Variants in PDZD2 observed in about 807,000 individuals in gnomAD.
PDZD2 encodes the protein PDZ domain containing 2, also known as PDZ domain-containing protein 2.
A neutral mutation model predicts 220.7 loss-of-function variants in PDZD2; 90 were observed. The ratio of observed to expected loss-of-function variants is 0.41; its 90% confidence interval spans 0.34 to 0.49. The LOEUF is 0.49. PDZD2 is among the 20% of genes least tolerant of loss of function. PDZD2 has a pLI of 0.28. For synonymous variants in PDZD2, 1,375 were observed against 1,450.5 expected (o/e 0.95, Z 1.18); for missense variants, 3,174 against 3,608.5 (o/e 0.88, Z 3.08).
intron 2 of PDZD2, among the ~76,000 whole-genome samples, chr5:31,871,884 G>C (rs1738831821): frequency 1.3e-5 from 2 of 152,010 alleles, no homozygotes; most frequent in Non-Finnish European, 2.9e-5. Context: ...GGAGTGCAGT[G>C]GTGCGAACAC....
At chr5:32,058,200 C>A in intron 12 of PDZD2, 97 bp downstream of exon 12, 5 of 704,500 alleles carry the variant, frequency 7.1e-6, no homozygotes, top group South Asian at 1.7e-5. Flanking sequence ...ATGAATTATT[C>A]CTTTGGTACA....
At chr5:31,878,474 A>G (rs1171496210) in intron 2 of PDZD2, among the ~76,000 whole-genome samples, 2 of 150,514 alleles carry the variant, frequency 1.3e-5, no homozygotes, top group Non-Finnish European at 3.0e-5. Context: ...CCTCTTGCTT[A>G]GAGGGACCAC....
chr5:31,674,798 T>C (rs446069), intron 1 of PDZD2, among the ~76,000 whole-genome samples: 15,854 of 152,068 alleles, frequency 0.1, 872 homozygotes, highest in East Asian at 0.17. Context: ...CTGTGAGCTC[T>C]ATTTTCCATT....
At chr5:31,645,484 G>C (rs973849789) in intron 1 of PDZD2, among the ~76,000 whole-genome samples, 1 of 151,962 alleles carries the variant, frequency 6.6e-6, no homozygotes, top group Non-Finnish European at 1.5e-5. Flanking sequence ...CTACAGGTGC[G>C]TGCCACCACA....
At chr5:31,705,690 A>C (rs1321319338) in intron 1 of PDZD2, among the ~76,000 whole-genome samples, 1 of 152,260 alleles carries the variant, frequency 6.6e-6, no homozygotes, top group Non-Finnish European at 1.5e-5. Flanking sequence ...TAAATATTTT[A>C]GAAATGGAAG....
intron 1 of PDZD2, among the ~76,000 whole-genome samples, chr5:31,735,921 C>T (rs1373176722): frequency 3.3e-5 from 5 of 151,904 alleles, no homozygotes; most frequent in South Asian, 2.1e-4. Flanking sequence ...CTCCAGCCTG[C>T]GGGATAGAGT....
Position 31,939,551 on chromosome 5 carries a change from G to A in PDZD2, c.477-43604G>A, listed in dbSNP as rs1581124733. 2.0e-5 allele frequency among the ~76,000 whole-genome samples: 3 copies of A among 152,180 alleles called. No individual in the cohort carries two copies. The South Asian group carries it at 6.2e-4, about 32-fold the overall frequency. On this transcript the variant is annotated intron_variant, in intron 2 of 24. Coordinates refer to ENST00000438447, the MANE Select transcript of PDZD2 (RefSeq NM_178140.4). Reference sequence around the variant, plus strand: ...GTGAGTAACCTCTTCCTCTGCATGGGTAGGCAGTGTGTGTCAGAATTCTAA... The same window carrying A: ...GTGAGTAACCTCTTCCTCTGCATGGATAGGCAGTGTGTGTCAGAATTCTAA...
At chr5:31,797,714 G>T (rs536459143) in intron 1 of PDZD2, among the ~76,000 whole-genome samples, 49 of 152,252 alleles carry the variant, frequency 3.2e-4, no homozygotes, top group African/African-American at 1.1e-3. Context: ...ATTAATAGCT[G>T]GCACTCAAGT....
At chr5:31,676,805 C>CA (rs1746445799) in intron 1 of PDZD2, among the ~76,000 whole-genome samples, 1 of 151,936 alleles carries the variant, frequency 6.6e-6, no homozygotes, top group Non-Finnish European at 1.5e-5. Flanking sequence ...CTGCCCGCCT[C>CA]GGCCTCCCAA....
At chr5:32,029,605 C>A (rs1238716016) in intron 6 of PDZD2, among the ~76,000 whole-genome samples, 2 of 152,140 alleles carry the variant, frequency 1.3e-5, no homozygotes, top group Non-Finnish European at 1.5e-5. Flanking sequence ...CTGAGGATCC[C>A]TCACCATAGG....
At chr5:31,682,671 CTGTGTGTGTGTGTG>C (rs70955735) in intron 1 of PDZD2, among the ~76,000 whole-genome samples, 10,557 of 146,100 alleles carry the variant, frequency 0.072, 430 homozygotes, top group South Asian at 0.13. Context: ...AGTCTTTCGG[CTGTGTGTGTGTGTG>C]TGTGTGTGTG....
intron 2 of PDZD2, among the ~76,000 whole-genome samples, chr5:31,869,374 C>G (rs1205187236): frequency 6.6e-6 from 1 of 152,022 alleles, no homozygotes; most frequent in Non-Finnish European, 1.5e-5. Context: ...TCTGCCTCCC[C>G]CACCCCTTGG....
intron 2 of PDZD2, among the ~76,000 whole-genome samples, chr5:31,922,248 G>A (rs1254823143): frequency 6.6e-6 from 1 of 152,218 alleles, no homozygotes; most frequent in African/African-American, 2.4e-5. Context: ...GTAATTCCAA[G>A]AGAGGATTCT....
intron 6 of PDZD2, among the ~76,000 whole-genome samples, chr5:32,024,839 T>C (rs1424908964): frequency 6.6e-6 from 1 of 152,240 alleles, no homozygotes; most frequent in Non-Finnish European, 1.5e-5. Flanking sequence ...AGTCTTTGTT[T>C]CAACTGCTCA....
In PDZD2 at chr5:32,089,772, G is replaced by A. The variant is rs1742900554; in HGVS notation, c.6324G>A (p.Lys2108=). The change falls in exon 20 of 25, where the codon AAG becomes AAA. Residue 2108 remains lysine (K), a synonymous_variant. Transcript: ENST00000438447. ...EAVSETVCGN[K]PAESDRRGGC... Reference sequence around the variant, plus strand: ...TGTCAGAGACTGTATGTGGTAACAAGCCAGCTGAAAGCGACAGACGGGGAG... The same window carrying A: ...TGTCAGAGACTGTATGTGGTAACAAACCAGCTGAAAGCGACAGACGGGGAG... 4 of 1,614,074 alleles carry A rather than the reference G, an allele frequency of 2.5e-6. No individual in the cohort carries two copies. In the South Asian group the frequency reaches 4.4e-5, roughly 18 times the overall value.
chr5:32,048,558 G>A lies in PDZD2; in HGVS notation c.1539G>A (p.Glu513=). ...SRLSGGVHRL[E]SVEEYNELMV... ...CTCAAGGGGGTGTACACCGCCTTGA[G>A]TCAGTTGAAGAATATAACGAGCTGA... The change falls in exon 8 of 25, where the codon GAG becomes GAA. Residue 513 remains glutamate (E), a synonymous_variant. Coordinates refer to ENST00000438447, the MANE Select transcript of PDZD2 (RefSeq NM_178140.4). The A allele has an allele frequency of 6.2e-7, 1 of 1,613,960 alleles. No individual in the cohort carries two copies. Among genetic ancestry groups the A allele is most frequent in the South Asian group, 1.1e-5 (1 of 91,074 alleles).
Position 32,087,007 on chromosome 5 carries a change from T to C in PDZD2, c.3683-124T>C. The C allele has an allele frequency of 1.5e-6, 1 of 647,162 alleles. No homozygotes were observed. The highest frequency in any genetic ancestry group is 2.7e-6 in the Non-Finnish European group (1 of 371,456). 40.1% of individuals were successfully genotyped at this position (647,162 alleles called of 1,614,324 possible). On this transcript the variant is annotated intron_variant, in intron 19 of 24. Coordinates refer to ENST00000438447, the MANE Select transcript of PDZD2 (RefSeq NM_178140.4). This position sits in a 1 kb window ranked among gnomAD's most constrained non-coding sequence, Gnocchi z 4.0. ...CCCAGCTTTCTGAAAAAGAAAAAAA[T>C]ATTTGAGGTTGTTTATAATTTTCTA...
At chr5:31,987,972 T>A (rs111468111) in intron 3 of PDZD2, among the ~76,000 whole-genome samples, 1 of 152,190 alleles carries the variant, frequency 6.6e-6, no homozygotes, top group Admixed American at 6.5e-5. Flanking sequence ...TCAACCTGCC[T>A]CTCTCTTTAC....
Position 32,089,669 on chromosome 5 carries a change from A to G in PDZD2, c.6221A>G (p.Lys2074Arg). Residue 2074 changes from lysine to arginine, a missense_variant, in exon 20 of 25, where the codon AAA becomes AGA. By Grantham distance (26) the Lys-to-Arg change is conservative. This residue lies in a region of PDZD2 where 1,861 missense variants were observed against 2,001.0 expected (regional missense o/e 0.93). Coordinates refer to ENST00000438447, the MANE Select transcript of PDZD2 (RefSeq NM_178140.4). ...GCCCAACCCAGGCCGACTGGCGAAA[A>G]AGGAGGCAACATAATGGCCAGCGAT... ...DTAQPRPTGE[K>R]GGNIMASDRL... 6.2e-7 allele frequency: 1 copy of G among 1,614,194 alleles called. No homozygotes were observed. The highest frequency in any genetic ancestry group is 1.1e-5 in the South Asian group (1 of 91,086).
Sources: gnomAD v4.1 joint callset for allele counts (sites outside exome capture counted in the v4.1 genomes callset) on GRCh38, gnomAD v4.1.1 for gene constraint, gnomAD v4.1.1 regional missense constraint, Gnocchi (gnomAD v3.1) non-coding constraint, MANE v1.5 for transcripts, NCBI Gene and HGNC (gene_info 2026-07-23, HGNC 2026-07-21) for gene names.